Variants in PCDHA2 observed in about 807,000 individuals in gnomAD.
The protein encoded by PCDHA2 is protocadherin alpha-2.
A neutral mutation model predicts 66.0 loss-of-function variants in PCDHA2; 58 were observed. The observed-to-expected ratio is 0.88, with a 90% CI of 0.71 to 1.09. The LOEUF is 1.09. Among genes scored for constraint, PCDHA2 ranks in the 50% least tolerant of loss-of-function variants. The probability of loss-of-function intolerance (pLI) is 0.00; values close to 1 mark genes in which losing one functional copy is unlikely to be tolerated. For missense variants in PCDHA2, 1,267 were observed against 1,242.3 expected (o/e 1.02, Z -0.30); for synonymous variants, 634 against 554.0 (o/e 1.14, Z -2.03).
At chr5:140,984,945 C>A (rs1316955910) in intron 3 of PCDHA2, among the ~76,000 whole-genome samples, 1 of 149,212 alleles carries the variant, frequency 6.7e-6, no homozygotes, top group Non-Finnish European at 1.5e-5. Flanking sequence ...AATGTCTAAT[C>A]TTTTTTTTTT....
intron 1 of PCDHA2, chr5:140,857,572 G>C: frequency 6.3e-7 from 1 of 1,596,716 alleles, no homozygotes; most frequent in Non-Finnish European, 8.6e-7. Flanking sequence ...GCTACGTGTC[G>C]GTGCACGCGG....
Position 140,999,346 on chromosome 5 carries a change from T to C in PCDHA2, c.2537-10281T>C, listed in dbSNP as rs115221132. ...ATCTGTGTGATTTATAAGCCTTGTC[T>C]CTTTTTAATGTTCACAATCCCATTA... On this transcript the variant is annotated intron_variant, in intron 3 of 3. Transcript: ENST00000526136. Among the ~76,000 whole-genome samples the C allele has an allele frequency of 2.6e-3, 399 of 152,360 alleles. 2 individuals are homozygous for C. In the Middle Eastern group the frequency reaches 0.041, roughly 16 times the overall value.
intron 1 of PCDHA2, chr5:140,850,432 G>A: frequency 6.3e-7 from 1 of 1,597,826 alleles, no homozygotes; most frequent in Non-Finnish European, 8.6e-7. Context: ...CCGCGCCAGC[G>A]CCTACTGGTG....
chr5:141,011,876 A>G lies in PCDHA2; in HGVS notation c.*1939A>G, dbSNP rs2098422094. ...AATTTTGTTATAATGTACAATTTAG[A>G]AGTTTGATTAATTATATTATCTATT... On this transcript the variant is annotated 3_prime_UTR_variant, in exon 4 of 4. Coordinates refer to ENST00000526136, the MANE Select transcript of PCDHA2 (RefSeq NM_018905.3). 6.5e-6 allele frequency: 1 copy of G among 153,584 alleles called. No individual in the cohort carries two copies. The highest frequency in any genetic ancestry group is 2.4e-5 in the African/African-American group (1 of 41,298). 9.5% of individuals were successfully genotyped at this position (153,584 alleles called of 1,614,324 possible).
chr5:140,963,395 C>T (rs544819387), intron 1 of PCDHA2, among the ~76,000 whole-genome samples: 4 of 152,322 alleles, frequency 2.6e-5, no homozygotes, highest in African/African-American at 7.2e-5. Flanking sequence ...AAGCTCCCTA[C>T]TGGATGCTGT....
At chr5:140,883,635 C>G (rs997170789) in intron 1 of PCDHA2, 13 of 1,613,058 alleles carry the variant, frequency 8.1e-6, no homozygotes, top group Non-Finnish European at 1.1e-5. Context: ...CCGGCGTTCG[C>G]GCAGCCCGAG....
chr5:140,801,580 A>G (rs545790169), intron 1 of PCDHA2: 2 of 1,614,234 alleles, frequency 1.2e-6, no homozygotes, highest in Non-Finnish European at 1.7e-6. Context: ...GACATTAATG[A>G]CAACGCGCCA....
At chr5:140,852,749 G>A in intron 1 of PCDHA2, 3 of 984,204 alleles carry the variant, frequency 3.0e-6, no homozygotes, top group Non-Finnish European at 2.4e-6. Flanking sequence ...ATTTAAACTT[G>A]GACCCAGGTA....
intron 1 of PCDHA2, among the ~76,000 whole-genome samples, chr5:140,827,576 C>T (rs2150148226): frequency 6.6e-6 from 1 of 152,140 alleles, no homozygotes; most frequent in African/African-American, 2.4e-5. Flanking sequence ...TATATAATAG[C>T]ATGTCCTAGG....
At chr5:140,968,749 G>A in intron 1 of PCDHA2, 1 of 1,614,150 alleles carries the variant, frequency 6.2e-7, no homozygotes, top group Non-Finnish European at 8.5e-7. Context: ...TGACCGTGGT[G>A]GTCCGAGATA....
chr5:140,840,024 G>A (rs1776520218), intron 1 of PCDHA2, among the ~76,000 whole-genome samples: 2 of 152,172 alleles, frequency 1.3e-5, no homozygotes, highest in Middle Eastern at 3.4e-3. Context: ...TCATGGTCAC[G>A]TAGCGTATCT....
At chr5:140,876,028 A>G in intron 1 of PCDHA2, 1 of 1,613,716 alleles carries the variant, frequency 6.2e-7, no homozygotes, top group Non-Finnish European at 8.5e-7. Flanking sequence ...AAAAACAAAA[A>G]AAGATAAAAG....
At chr5:140,808,396 T>C (rs1764160889) in intron 1 of PCDHA2, 1 of 1,614,162 alleles carries the variant, frequency 6.2e-7, no homozygotes, top group Non-Finnish European at 8.5e-7. Context: ...CCTTCAAGAA[T>C]TACTACTCGT....
intron 1 of PCDHA2, among the ~76,000 whole-genome samples, chr5:140,944,592 C>T (rs1225606041): frequency 2.6e-5 from 4 of 152,086 alleles, no homozygotes; most frequent in Non-Finnish European, 4.4e-5. Flanking sequence ...CAGAATTTCC[C>T]TGGGTAGAGT....
At chr5:140,984,139 C>T (rs2097088415) in intron 3 of PCDHA2, among the ~76,000 whole-genome samples, 1 of 152,178 alleles carries the variant, frequency 6.6e-6, no homozygotes. Flanking sequence ...GATGTGGAGG[C>T]ATCTGGGAAG....
At chr5:140,829,189 T>A in intron 1 of PCDHA2, 1 of 1,614,208 alleles carries the variant, frequency 6.2e-7, no homozygotes, top group Non-Finnish European at 8.5e-7. Flanking sequence ...CTCAATTTGG[T>A]ACTGTCATCG....
chr5:140,988,021 T>C (rs2097278466), intron 3 of PCDHA2, among the ~76,000 whole-genome samples: 1 of 152,216 alleles, frequency 6.6e-6, no homozygotes. Context: ...AGCATGATTC[T>C]TAAGTTTTTT....
At chr5:140,995,393 G>T (rs1267179638) in intron 3 of PCDHA2, among the ~76,000 whole-genome samples, 5 of 152,184 alleles carry the variant, frequency 3.3e-5, no homozygotes, top group Non-Finnish European at 7.3e-5. Flanking sequence ...GATAAAGCGG[G>T]ATGGCTCGAG....
chr5:141,000,361 GTCTCTCTCTCTCTCTC>G (rs148596731), intron 3 of PCDHA2, among the ~76,000 whole-genome samples: 6 of 26,448 alleles, frequency 2.3e-4, no homozygotes, highest in African/African-American at 1.2e-3. Context: ...GTCTCTCTCT[GTCTCTCTCTCTCTCTC>G]TCTCTCTCTC....
Sources: allele counts gnomAD v4.1 joint callset (sites outside exome capture counted in the v4.1 genomes callset), GRCh38; gene constraint gnomAD v4.1.1; transcripts MANE v1.5; gene names NCBI Gene and HGNC (gene_info 2026-07-23, HGNC 2026-07-21).